CTNNA2: variants seen among roughly 807,000 people sequenced by gnomAD.
CTNNA2 encodes catenin alpha 2.
Under a neutral mutation model 101.0 loss-of-function variants are expected in CTNNA2, and 42 were observed. The observed-to-expected ratio is 0.42, with a 90% CI of 0.32 to 0.54. The LOEUF (loss-of-function observed/expected upper bound fraction) is 0.54, where lower values mean the gene tolerates loss of function less well. CTNNA2 is among the 20% of genes least tolerant of loss of function. The pLI is 0.14. For missense variants in CTNNA2, 871 were observed against 1,223.1 expected (o/e 0.71, Z 4.29); for synonymous variants, 450 against 456.4 (o/e 0.99, Z 0.18).
intron 7 of CTNNA2, among the ~76,000 whole-genome samples, chr2:80,281,290 T>G (rs1199803340): frequency 6.6e-6 from 1 of 152,078 alleles, no homozygotes; most frequent in Admixed American, 6.6e-5. Context: ...GTGCAGCCTG[T>G]GGCGTGCAGA....
chr2:80,128,053 C>T (rs1702230316), intron 7 of CTNNA2, among the ~76,000 whole-genome samples: 1 of 151,814 alleles, frequency 6.6e-6, no homozygotes, highest in Non-Finnish European at 1.5e-5. Context: ...TGATGAAAGT[C>T]ATCAGATTCT....
intron 7 of CTNNA2, among the ~76,000 whole-genome samples, chr2:80,243,732 G>A (rs892697568): frequency 6.6e-6 from 1 of 152,198 alleles, no homozygotes; most frequent in African/African-American, 2.4e-5. Context: ...GGGCATTTGT[G>A]TACAAGTTTT....
At chr2:80,069,142 T>C (rs1698167441) in intron 7 of CTNNA2, among the ~76,000 whole-genome samples, 1 of 152,202 alleles carries the variant, frequency 6.6e-6, no homozygotes, top group Admixed American at 6.5e-5. Flanking sequence ...AAGATAGATG[T>C]CCCAGCTTGA....
intron 7 of CTNNA2, among the ~76,000 whole-genome samples, chr2:80,358,186 AG>A: frequency 6.6e-6 from 1 of 152,252 alleles, no homozygotes; most frequent in East Asian, 1.9e-4. Context: ...TTACTTACAA[AG>A]TCCTTAGGAC....
chr2:80,638,281 C>T (rs1002776686), intron 18 of CTNNA2, among the ~76,000 whole-genome samples: 3 of 152,032 alleles, frequency 2.0e-5, no homozygotes, highest in Admixed American at 1.3e-4. Context: ...CTTATGTATT[C>T]ATGTGACATA....
chr2:79,463,179 A>G (rs995726618), intron 4 of CTNNA2, among the ~76,000 whole-genome samples: 1 of 152,122 alleles, frequency 6.6e-6, no homozygotes, highest in African/African-American at 2.4e-5. Context: ...TGGGAGGCCG[A>G]GGCAGGAGGA....
chr2:80,599,671 A>G (rs935962646), intron 15 of CTNNA2, among the ~76,000 whole-genome samples: 2 of 152,180 alleles, frequency 1.3e-5, no homozygotes, highest in Non-Finnish European at 2.9e-5. Context: ...GTGTTGCATC[A>G]TGCTCAGAAC....
chr2:80,641,003 T>A (rs1673413502), intron 18 of CTNNA2, among the ~76,000 whole-genome samples: 1 of 152,190 alleles, frequency 6.6e-6, no homozygotes, highest in South Asian at 2.1e-4. Flanking sequence ...GCTATGCTAT[T>A]CCCATTTTAA....
At chr2:80,240,172 A>G (rs1411649788) in intron 7 of CTNNA2, among the ~76,000 whole-genome samples, 3 of 152,180 alleles carry the variant, frequency 2.0e-5, no homozygotes, top group Admixed American at 6.5e-5. Context: ...GTTCTGGTTC[A>G]TCCCAATGGA....
chr2:80,129,072 G>A (rs1702280708), intron 7 of CTNNA2, among the ~76,000 whole-genome samples: 1 of 152,164 alleles, frequency 6.6e-6, no homozygotes, highest in African/African-American at 2.4e-5. Context: ...ATTCTAAGAT[G>A]GAATTAAATG....
At chr2:79,517,561 T>C (rs560281388) in intron 1 of CTNNA2, among the ~76,000 whole-genome samples, 10 of 152,304 alleles carry the variant, frequency 6.6e-5, no homozygotes, top group African/African-American at 2.4e-4. Flanking sequence ...TCTTTCTTAA[T>C]TGATGTTTTA....
chr2:80,617,591 A>AATTCTTTAAAGAC (rs750790547), intron 17 of CTNNA2, among the ~76,000 whole-genome samples: 42 of 151,674 alleles, frequency 2.8e-4, no homozygotes, highest in Non-Finnish European at 5.2e-4. Context: ...TATTTACTTT[A>AATTCTTTAAAGAC]ATTCTTTAAA....
At chr2:79,946,718 C>G (rs1203676308) in intron 7 of CTNNA2, among the ~76,000 whole-genome samples, 1 of 152,116 alleles carries the variant, frequency 6.6e-6, no homozygotes, top group East Asian at 1.9e-4. Flanking sequence ...CAGTGGGCTA[C>G]CTGATATGTT....
chr2:79,876,990 T>C (rs1475096132), intron 6 of CTNNA2, among the ~76,000 whole-genome samples: 2 of 151,792 alleles, frequency 1.3e-5, no homozygotes, highest in African/African-American at 4.8e-5. Flanking sequence ...ATATGGTAAA[T>C]AAGTCACTAA....
chr2:80,046,279 G>A (rs555689830), intron 7 of CTNNA2, among the ~76,000 whole-genome samples: 1 of 152,058 alleles, frequency 6.6e-6, no homozygotes, highest in Admixed American at 6.6e-5. Context: ...AAATTCTCTG[G>A]TCACCAGCCC....
At chr2:80,243,812 T>C (rs1454764984) in intron 7 of CTNNA2, among the ~76,000 whole-genome samples, 1 of 152,202 alleles carries the variant, frequency 6.6e-6, no homozygotes, top group African/African-American at 2.4e-5. Context: ...GTACCTAGAA[T>C]AGGTTTATAT....
intron 13 of CTNNA2, among the ~76,000 whole-genome samples, chr2:80,577,918 G>T (rs973702003): frequency 2.0e-5 from 3 of 152,114 alleles, no homozygotes; most frequent in Admixed American, 1.3e-4. Context: ...AAATACTGAA[G>T]GATTCAGAGT....
At chr2:79,576,613 T>TG (rs1675816099) in intron 1 of CTNNA2, among the ~76,000 whole-genome samples, 1 of 152,132 alleles carries the variant, frequency 6.6e-6, no homozygotes, top group Non-Finnish European at 1.5e-5. Flanking sequence ...ATTAAATTTA[T>TG]GGGGCGTGTG....
chr2:80,000,998 A>G (rs2103959263), intron 7 of CTNNA2, among the ~76,000 whole-genome samples: 1 of 152,332 alleles, frequency 6.6e-6, no homozygotes, highest in African/African-American at 2.4e-5. Context: ...GGGTACACCC[A>G]TTTTTGGAAG....
Sources: gnomAD v4.1 joint callset for allele counts (sites outside exome capture counted in the v4.1 genomes callset) on GRCh38, gnomAD v4.1.1 for gene constraint, MANE v1.5 for transcripts, NCBI Gene and HGNC (gene_info 2026-07-23, HGNC 2026-07-21) for gene names.